NAT1: variants seen among roughly 807,000 people sequenced by gnomAD.
The protein encoded by NAT1 is N-acetyltransferase 1.
For missense variants in NAT1, 400 were observed against 339.2 expected (o/e 1.18, Z -1.41); for synonymous variants, 144 against 122.6 (o/e 1.17, Z -1.16).
At chr8:18,201,623 C>G (rs1041837849) in intron 2 of NAT1, among the ~76,000 whole-genome samples, 6 of 152,206 alleles carry the variant, frequency 3.9e-5, no homozygotes, top group African/African-American at 1.4e-4. Flanking sequence ...AGGGATAAGA[C>G]TCCCAGAGGG....
At chr8:18,209,211 TGAGGACATGCCAA>T (rs1187624189), upstream of NAT1, among the ~76,000 whole-genome samples, 1 of 152,234 alleles carries the variant, frequency 6.6e-6, no homozygotes, top group East Asian at 1.9e-4. Flanking sequence ...CTAGCCTGCC[TGAGGACATGCCAA>T]GAGAAAGCCT....
chr8:18,184,759 G>C (rs532083446), intron 2 of NAT1, among the ~76,000 whole-genome samples: 2 of 152,290 alleles, frequency 1.3e-5, no homozygotes, highest in African/African-American at 4.8e-5. Context: ...GTTGCAAACA[G>C]AGCTTTCAAG....
At chr8:18,197,407 A>G (rs1034238747) in intron 2 of NAT1, among the ~76,000 whole-genome samples, 2 of 152,168 alleles carry the variant, frequency 1.3e-5, no homozygotes, top group South Asian at 2.1e-4. Context: ...ATCCTCAACC[A>G]GGAGTGATCT....
intron 2 of NAT1, among the ~76,000 whole-genome samples, chr8:18,172,589 G>C (rs543936668): frequency 1.1e-4 from 16 of 152,286 alleles, no homozygotes; most frequent in Non-Finnish European, 2.2e-4. Context: ...TACTCTGGTG[G>C]TTCAAATTCT....
intron 2 of NAT1, among the ~76,000 whole-genome samples, chr8:18,202,051 C>G (rs1589087599): frequency 6.6e-6 from 1 of 152,160 alleles, no homozygotes; most frequent in Non-Finnish European, 1.5e-5. Context: ...TAAAAGAAAT[C>G]CCCATTTGTA....
intron 2 of NAT1, among the ~76,000 whole-genome samples, chr8:18,185,098 T>C (rs971492128): frequency 6.6e-6 from 1 of 152,094 alleles, no homozygotes; most frequent in Non-Finnish European, 1.5e-5. Flanking sequence ...TGTTTCAGTT[T>C]CAGGAGTGAT....
At chr8:18,214,473 G>A (rs577174688) in intron 1 of NAT1, among the ~76,000 whole-genome samples, 43 of 152,236 alleles carry the variant, frequency 2.8e-4, no homozygotes, top group African/African-American at 9.6e-4. Flanking sequence ...ATATTTTTGT[G>A]TAACATTCTC....
intron 2 of NAT1, among the ~76,000 whole-genome samples, chr8:18,171,561 T>C (rs184579325): frequency 3.4e-4 from 52 of 152,268 alleles, no homozygotes; most frequent in South Asian, 1.9e-3. Context: ...CAGAAAGAGC[T>C]AGGAGGAATT....
At chr8:18,178,515 G>C (rs1343061590) in intron 2 of NAT1, among the ~76,000 whole-genome samples, 1 of 152,082 alleles carries the variant, frequency 6.6e-6, no homozygotes, top group African/African-American at 2.4e-5. Flanking sequence ...TGGAAGTTTT[G>C]CTACTTTGGC....
intron 1 of NAT1, among the ~76,000 whole-genome samples, chr8:18,215,098 T>A (rs186252225): frequency 6.6e-6 from 1 of 152,302 alleles, no homozygotes; most frequent in East Asian, 1.9e-4. Context: ...CTGATGGGCA[T>A]TTAGGTTGAT....
intron 1 of NAT1, among the ~76,000 whole-genome samples, chr8:18,216,490 G>A (rs1019611466): frequency 2.0e-5 from 3 of 152,152 alleles, no homozygotes; most frequent in Non-Finnish European, 2.9e-5. Flanking sequence ...ACTGGCTTCA[G>A]TTACCTCTAG....
At chr8:18,175,463 C>A (rs1232099262) in intron 2 of NAT1, among the ~76,000 whole-genome samples, 1 of 152,036 alleles carries the variant, frequency 6.6e-6, no homozygotes, top group African/African-American at 2.4e-5. Flanking sequence ...TAAGATTATA[C>A]AGTATTTGTT....
chr8:18,181,262 TA>T (rs1160742314), intron 2 of NAT1, among the ~76,000 whole-genome samples: 1 of 152,186 alleles, frequency 6.6e-6, no homozygotes, highest in Non-Finnish European at 1.5e-5. Context: ...AGCTATTCAG[TA>T]GGATTCAATG....
rs891192651 is a variant in NAT1, at chr8:18,176,425, T to A, written n.92+5686T>A. On this transcript the variant is annotated intron_variant and non_coding_transcript_variant, in intron 2 of 4. Coordinates refer to the NAT1 transcript ENST00000517441. ...TGCATATGAGTGTGAGATAAGTATA[T>A]CCACATGTAGAAGAATGCCATTTAT... Among the ~76,000 whole-genome samples, 21 of 152,126 alleles carry A rather than the reference T, an allele frequency of 1.4e-4. 1 individual carries two copies. Among genetic ancestry groups the A allele is most frequent in the Non-Finnish European group, 5.9e-5 (4 of 67,982 alleles).
chr8:18,220,155 G>C (rs1805136242), intron 2 of NAT1, among the ~76,000 whole-genome samples: 1 of 152,194 alleles, frequency 6.6e-6, no homozygotes, highest in Admixed American at 6.5e-5. Flanking sequence ...CTCTCTCTGA[G>C]TGGTAGAACT....
intron 2 of NAT1, among the ~76,000 whole-genome samples, chr8:18,196,463 G>C (rs1803238946): frequency 6.6e-6 from 1 of 152,118 alleles, no homozygotes; most frequent in South Asian, 2.1e-4. Context: ...GGACAAACAT[G>C]AAAGTAGATG....
chr8:18,196,462 T>C (rs1406932598), intron 2 of NAT1, among the ~76,000 whole-genome samples: 1 of 151,956 alleles, frequency 6.6e-6, no homozygotes, highest in Non-Finnish European at 1.5e-5. Flanking sequence ...AGGACAAACA[T>C]GAAAGTAGAT....
intron 1 of NAT1, among the ~76,000 whole-genome samples, chr8:18,214,091 G>A (rs1186917336): frequency 6.6e-6 from 1 of 152,138 alleles, no homozygotes; most frequent in African/African-American, 2.4e-5. Flanking sequence ...GGGATTACAG[G>A]CATGAGCAAC....
chr8:18,218,808 G>A (rs1479342169), intron 1 of NAT1, among the ~76,000 whole-genome samples: 1 of 152,054 alleles, frequency 6.6e-6, no homozygotes, highest in African/African-American at 2.4e-5. Context: ...ATGAGTTTCG[G>A]GGGTCCCACA....
Sources: allele counts gnomAD v4.1 joint callset (sites outside exome capture counted in the v4.1 genomes callset), GRCh38; gene constraint gnomAD v4.1.1; transcripts MANE v1.5; gene names NCBI Gene and HGNC (gene_info 2026-07-23, HGNC 2026-07-21).